Variants in NAV2 observed in about 807,000 individuals in gnomAD.
The protein encoded by NAV2 is neuron navigator 2.
Under a neutral mutation model 223.2 loss-of-function variants are expected in NAV2, and 54 were observed. The observed-to-expected ratio is 0.24, with a 90% CI of 0.19 to 0.30. NAV2 has a LOEUF of 0.30. Ranked by LOEUF, NAV2 falls within the 10% of genes least tolerant of loss-of-function variation. The pLI, the probability that NAV2 is intolerant of heterozygous loss-of-function variation, is 1.00. For missense variants in NAV2, 2,806 were observed against 3,147.5 expected (o/e 0.89, Z 2.60); for synonymous variants, 1,279 against 1,239.3 (o/e 1.03, Z -0.67).
At chr11:19,573,336 A>G (rs1322153241) in intron 1 of NAV2, among the ~76,000 whole-genome samples, 2 of 151,876 alleles carry the variant, frequency 1.3e-5, no homozygotes, top group Non-Finnish European at 2.9e-5. Context: ...ATACTATCAT[A>G]TTTGTTTTGT....
chr11:20,052,104 C>T (rs1030127240), intron 17 of NAV2, among the ~76,000 whole-genome samples: 6 of 152,248 alleles, frequency 3.9e-5, no homozygotes, highest in African/African-American at 1.4e-4. Flanking sequence ...GCCGTCATTT[C>T]TTCTGCTTTC....
chr11:19,436,150 A>G (rs2632046), intron 1 of NAV2, among the ~76,000 whole-genome samples: 50,805 of 152,032 alleles, frequency 0.33, 9,267 homozygotes, highest in African/African-American at 0.47. Context: ...CCAGACAAGC[A>G]TCATAGAGCT....
intron 1 of NAV2, among the ~76,000 whole-genome samples, chr11:19,783,828 C>G (rs1245789660): frequency 6.6e-6 from 1 of 152,126 alleles, no homozygotes. Context: ...ATAGTAAATG[C>G]TCAATAAATG....
chr11:19,471,781 C>T (rs2041973622), intron 1 of NAV2, among the ~76,000 whole-genome samples: 1 of 152,146 alleles, frequency 6.6e-6, no homozygotes, highest in African/African-American at 2.4e-5. Context: ...AGCTGCGGGC[C>T]CTACTGCACC....
intron 36 of NAV2, among the ~76,000 whole-genome samples, chr11:20,113,080 A>G (rs1565107149): frequency 6.6e-6 from 1 of 152,180 alleles, no homozygotes; most frequent in Non-Finnish European, 1.5e-5. Context: ...TACAGGTGAC[A>G]CTGCCCTGGC....
At chr11:19,944,742 C>T (rs1433456421) in intron 8 of NAV2, among the ~76,000 whole-genome samples, 3 of 129,184 alleles carry the variant, frequency 2.3e-5, no homozygotes, top group South Asian at 2.3e-4. Context: ...TCTGTCTCCC[C>T]TCCCTTCCCT....
At chr11:19,979,642 C>G (rs115177070) in intron 10 of NAV2, among the ~76,000 whole-genome samples, 8 of 152,300 alleles carry the variant, frequency 5.3e-5, no homozygotes, top group African/African-American at 1.9e-4. Flanking sequence ...TTTTATGTAG[C>G]AGTAGAGCTA....
At chr11:20,027,161 A>T (rs143677282) in intron 11 of NAV2, 2 of 633,038 alleles carry the variant, frequency 3.2e-6, no homozygotes, top group African/African-American at 2.0e-5. Flanking sequence ...TCCCGAGAAA[A>T]CCTCCTGGGG....
intron 37 of NAV2, among the ~76,000 whole-genome samples, chr11:20,115,789 T>G (rs2063041102): frequency 6.6e-6 from 1 of 152,094 alleles, no homozygotes; most frequent in Non-Finnish European, 1.5e-5. Flanking sequence ...GGCACATGCC[T>G]ATAGTCCCAG....
chr11:19,630,976 A>C (rs554864026), intron 1 of NAV2, among the ~76,000 whole-genome samples: 8 of 151,458 alleles, frequency 5.3e-5, no homozygotes, highest in Non-Finnish European at 1.2e-4. Flanking sequence ...GGAAAAAAGA[A>C]ATTTGGTAAA....
Position 19,497,434 on chromosome 11 carries a change from T to C in NAV2, c.75+146407T>C, listed in dbSNP as rs2042831764. Among the ~76,000 whole-genome samples the C allele has an allele frequency of 3.3e-5, 5 of 152,222 alleles. No homozygotes were observed. In the South Asian group the frequency reaches 1.0e-3, roughly 32 times the overall value. On this transcript the variant is annotated intron_variant, in intron 1 of 37. Transcript: ENST00000360655. ...AGATGCCAGAACATGATGGAAGAAA[T>C]GGTTAATTCCCCTGGTGAGTGGGAG...
intron 2 of NAV2, among the ~76,000 whole-genome samples, chr11:19,837,924 A>G (rs930546788): frequency 1.3e-5 from 2 of 152,158 alleles, no homozygotes; most frequent in Non-Finnish European, 2.9e-5. Context: ...ATGGAAGACA[A>G]TATACTAGTT....
At chr11:19,437,356 G>C (rs1309803963) in intron 1 of NAV2, among the ~76,000 whole-genome samples, 2 of 151,930 alleles carry the variant, frequency 1.3e-5, no homozygotes, top group African/African-American at 4.8e-5. Flanking sequence ...ACAGTGTCTT[G>C]GTGTCATCCT....
At chr11:19,978,024 T>C (rs1163646656) in intron 10 of NAV2, among the ~76,000 whole-genome samples, 1 of 151,360 alleles carries the variant, frequency 6.6e-6, no homozygotes, top group East Asian at 1.9e-4. Flanking sequence ...GGGGTTTCAC[T>C]ATGTTAGCCA....
At chr11:19,357,293 G>C (rs1853674530) in intron 1 of NAV2, among the ~76,000 whole-genome samples, 1 of 152,138 alleles carries the variant, frequency 6.6e-6, no homozygotes, top group African/African-American at 2.4e-5. Context: ...CTGAAGTATG[G>C]TTTTAAACTG....
intron 1 of NAV2, among the ~76,000 whole-genome samples, chr11:19,722,767 T>A (rs547188250): frequency 7.2e-5 from 11 of 152,262 alleles, no homozygotes; most frequent in Admixed American, 2.0e-4. Context: ...AACTCCCTCT[T>A]AGGATGTGAA....
chr11:19,530,825 G>A (rs773955922), intron 1 of NAV2, among the ~76,000 whole-genome samples: 1 of 152,230 alleles, frequency 6.6e-6, no homozygotes, highest in Non-Finnish European at 1.5e-5. Context: ...CAATTATACA[G>A]ATTAGAAACA....
chr11:19,853,249 A>G (rs2152983943), intron 3 of NAV2, among the ~76,000 whole-genome samples: 1 of 152,356 alleles, frequency 6.6e-6, no homozygotes, highest in Admixed American at 6.5e-5. Flanking sequence ...AGCATGACAC[A>G]TTGTCTCTGA....
chr11:19,912,001 C>G (rs1009243047), intron 6 of NAV2, among the ~76,000 whole-genome samples: 1 of 152,116 alleles, frequency 6.6e-6, no homozygotes, highest in East Asian at 1.9e-4. Flanking sequence ...GCCACTCTAG[C>G]GATTCTAACT....
Sources: gnomAD v4.1 joint callset for allele counts (sites outside exome capture counted in the v4.1 genomes callset) on GRCh38, gnomAD v4.1.1 for gene constraint, MANE v1.5 for transcripts, NCBI Gene and HGNC (gene_info 2026-07-23, HGNC 2026-07-21) for gene names.